Variants in TANGO6 observed in about 807,000 individuals in gnomAD.
TANGO6 encodes transport and golgi organization 6 homolog.
A neutral mutation model predicts 114.2 loss-of-function variants in TANGO6; 90 were observed. The ratio of observed to expected loss-of-function variants is 0.79; its 90% CI spans 0.66 to 0.94. TANGO6 has a LOEUF of 0.94. Among genes scored for constraint, TANGO6 ranks in the 40% least tolerant of loss-of-function variants. The pLI, the probability that TANGO6 is intolerant of heterozygous loss-of-function variation, is 0.00. For synonymous variants in TANGO6, 477 were observed against 509.8 expected (o/e 0.94, Z 0.87); for missense variants, 1,274 against 1,315.3 (o/e 0.97, Z 0.49).
chr16:68,988,366 C>T (rs1477442829), intron 15 of TANGO6, among the ~76,000 whole-genome samples: 1 of 152,182 alleles, frequency 6.6e-6, no homozygotes, highest in Non-Finnish European at 1.5e-5. Context: ...CCTGCCGCCT[C>T]AGAGCTGCTT....
At chr16:69,011,642 G>C (rs1964144426) in intron 15 of TANGO6, among the ~76,000 whole-genome samples, 1 of 151,956 alleles carries the variant, frequency 6.6e-6, no homozygotes, top group African/African-American at 2.4e-5. Flanking sequence ...AACTTTTTTA[G>C]AGACAAGCTT....
intron 7 of TANGO6, among the ~76,000 whole-genome samples, chr16:68,884,591 G>C (rs147911004): frequency 1.2e-4 from 18 of 152,242 alleles, no homozygotes; most frequent in Non-Finnish European, 1.8e-4. Context: ...CAAGTGGTTG[G>C]GTTTGGAATG....
chr16:68,894,652 C>A (rs990779023), intron 7 of TANGO6, among the ~76,000 whole-genome samples: 12 of 151,996 alleles, frequency 7.9e-5, no homozygotes, highest in African/African-American at 2.9e-4. Flanking sequence ...CAATGAAAAT[C>A]TCATTATGCA....
chr16:68,957,479 C>G (rs1188023311), intron 14 of TANGO6, among the ~76,000 whole-genome samples: 1 of 151,366 alleles, frequency 6.6e-6, no homozygotes, highest in African/African-American at 2.4e-5. Flanking sequence ...CTCACCGCAG[C>G]CTCCACCTCC....
At chr16:68,949,242 A>C (rs186113534) in intron 14 of TANGO6, among the ~76,000 whole-genome samples, 1 of 152,342 alleles carries the variant, frequency 6.6e-6, no homozygotes, top group Admixed American at 6.5e-5. Flanking sequence ...GTTTACTGAG[A>C]GCGTGAGTTA....
chr16:69,037,837 G>A (rs1343906737), intron 16 of TANGO6, among the ~76,000 whole-genome samples: 4 of 152,162 alleles, frequency 2.6e-5, no homozygotes, highest in Admixed American at 1.3e-4. Flanking sequence ...AAATGCCAGC[G>A]CATCACAGAC....
chr16:69,032,910 G>C (rs537623010), intron 16 of TANGO6, among the ~76,000 whole-genome samples: 1 of 146,996 alleles, frequency 6.8e-6, no homozygotes, highest in South Asian at 2.2e-4. Flanking sequence ...CTGTTGGCAG[G>C]CGTGGTGGCT....
At chr16:68,960,465 T>A (rs1963577837) in intron 14 of TANGO6, among the ~76,000 whole-genome samples, 1 of 151,626 alleles carries the variant, frequency 6.6e-6, no homozygotes, top group South Asian at 2.1e-4. Flanking sequence ...TCCAGTGCTG[T>A]TTTTTAAATT....
At chr16:68,991,824 C>G (rs1034220742) in intron 15 of TANGO6, among the ~76,000 whole-genome samples, 2 of 151,364 alleles carry the variant, frequency 1.3e-5, no homozygotes, top group Non-Finnish European at 2.9e-5. Context: ...GACTGTCTCG[C>G]AAAATAAAAA....
At chr16:69,066,153 G>A (rs184296573) in intron 17 of TANGO6, among the ~76,000 whole-genome samples, 2 of 151,968 alleles carry the variant, frequency 1.3e-5, no homozygotes, top group Non-Finnish European at 2.9e-5. Context: ...TCATTTCCCC[G>A]CATCTACGCC....
In TANGO6 at chr16:68,860,431, G is replaced by T. The variant is rs780104399; in HGVS notation, c.642G>T (p.Leu214Phe). 2 of 1,614,012 alleles carry T rather than the reference G, an allele frequency of 1.2e-6. No homozygotes were observed. ...NVAQHTSLGS[L>F]IFCHHFGDIA... ...CTCAGCACACATCTCTGGGGAGCTT[G>T]ATCTTCTGCCACCACTTTGGGGATA... is the stretch of plus-strand genomic sequence containing the variant. Residue 214 changes from leucine (L) to phenylalanine (F), a missense_variant, in exon 2 of 18, where the codon TTG (leucine) becomes TTT (phenylalanine). Coordinates refer to ENST00000261778, the MANE Select transcript of TANGO6 (RefSeq NM_024562.2).
At chr16:68,876,471 T>C (rs1372944258) in intron 5 of TANGO6, among the ~76,000 whole-genome samples, 1 of 152,108 alleles carries the variant, frequency 6.6e-6, no homozygotes, top group African/African-American at 2.4e-5. Context: ...AGTGCTAATT[T>C]TTATCTAAAT....
chr16:68,917,919 ATTTTTTTT>A (rs542643969), intron 11 of TANGO6, among the ~76,000 whole-genome samples: 1 of 137,444 alleles, frequency 7.3e-6, no homozygotes, highest in African/African-American at 2.7e-5. Context: ...TGCCTGGCTA[ATTTTTTTT>A]TTTTTTTTTT....
intron 17 of TANGO6, among the ~76,000 whole-genome samples, chr16:69,048,382 G>T (rs759459942): frequency 3.3e-5 from 5 of 150,748 alleles, no homozygotes; most frequent in Non-Finnish European, 7.4e-5. Context: ...GATTACAGGC[G>T]TGAACCACTG....
rs185489718 is a variant in TANGO6, at chr16:69,074,448, G to A, written c.3109-9037G>A. 4.6e-5 allele frequency among the ~76,000 whole-genome samples: 7 copies of A among 152,152 alleles called. No individual in the cohort carries two copies. In the East Asian group the frequency reaches 1.4e-3, roughly 29 times the overall value. On this transcript the variant is annotated intron_variant, in intron 17 of 17. Coordinates refer to ENST00000261778, the MANE Select transcript of TANGO6 (RefSeq NM_024562.2). ...AGCTGCTCCATAGACAGAGTAGGAC[G>A]TTCCCGAAAGAGGAGGAACGTGTCC...
intron 17 of TANGO6, among the ~76,000 whole-genome samples, chr16:69,076,043 G>A (rs137876162): frequency 8.7e-5 from 13 of 149,464 alleles, no homozygotes; most frequent in African/African-American, 2.2e-4. Flanking sequence ...GATTACAGGC[G>A]TGAGCCACCG....
intron 7 of TANGO6, among the ~76,000 whole-genome samples, chr16:68,897,640 A>G (rs1487960396): frequency 1.3e-5 from 2 of 150,610 alleles, no homozygotes; most frequent in Admixed American, 6.7e-5. Context: ...GTACAGTGGC[A>G]TGATCTCGGC....
intron 16 of TANGO6, among the ~76,000 whole-genome samples, chr16:69,038,584 A>T (rs1241001971): frequency 6.6e-6 from 1 of 152,134 alleles, no homozygotes; most frequent in African/African-American, 2.4e-5. Flanking sequence ...TGTTAATTGT[A>T]TCTCTTCATT....
At chr16:68,945,885 C>T (rs1597031825) in intron 14 of TANGO6, among the ~76,000 whole-genome samples, 1 of 152,140 alleles carries the variant, frequency 6.6e-6, no homozygotes, top group East Asian at 1.9e-4. Context: ...AGGGTTTAGC[C>T]ATGTTGGCCA....
Sources: allele counts gnomAD v4.1 joint callset (sites outside exome capture counted in the v4.1 genomes callset), GRCh38; gene constraint gnomAD v4.1.1; transcripts MANE v1.5; gene names NCBI Gene and HGNC (gene_info 2026-07-23, HGNC 2026-07-21).